The following CNTN4 variants were observed in gnomAD, a reference collection of about 807,000 sequenced individuals.
The protein encoded by CNTN4 is contactin-4.
In CNTN4, 77 loss-of-function variants were observed where a neutral mutation model predicts 122.5. That is an observed-to-expected ratio of 0.63 (90% confidence interval 0.52 to 0.76). The LOEUF (loss-of-function observed/expected upper bound fraction) is 0.76. Ranked by LOEUF, CNTN4 falls within the 30% of genes least tolerant of loss-of-function variation. CNTN4 has a pLI of 0.00. For synonymous variants in CNTN4, 512 were observed against 447.0 expected (o/e 1.15, Z -1.83); for missense variants, 1,256 against 1,259.1 (o/e 1.00, Z 0.04).
At chr3:3,044,535 C>T (rs751840431) in intron 23 of CNTN4, among the ~76,000 whole-genome samples, 1 of 152,168 alleles carries the variant, frequency 6.6e-6, no homozygotes, top group South Asian at 2.1e-4. Flanking sequence ...AGTATGGTGA[C>T]CTCAGAGTAG....
intron 4 of CNTN4, among the ~76,000 whole-genome samples, chr3:2,602,385 T>G (rs2149754930): frequency 6.6e-6 from 1 of 152,290 alleles, no homozygotes; most frequent in East Asian, 1.9e-4. Flanking sequence ...GATGAAGAAC[T>G]TCAGCAAAAT....
intron 3 of CNTN4, among the ~76,000 whole-genome samples, chr3:2,394,993 G>T (rs916868679): frequency 6.6e-6 from 1 of 151,880 alleles, no homozygotes; most frequent in Non-Finnish European, 1.5e-5. Flanking sequence ...TACCATGTTG[G>T]CCAGGCTGGT....
At chr3:2,187,979 A>G (rs575112821) in intron 2 of CNTN4, among the ~76,000 whole-genome samples, 1 of 152,180 alleles carries the variant, frequency 6.6e-6, no homozygotes. Flanking sequence ...AAGCAAATCA[A>G]GTGGGTTTTA....
chr3:2,950,432 G>T (rs2094727610), intron 13 of CNTN4, among the ~76,000 whole-genome samples: 1 of 152,190 alleles, frequency 6.6e-6, no homozygotes. Flanking sequence ...TCGGTAGCTT[G>T]TTATATAAGC....
chr3:2,851,583 G>C (rs529695760), intron 7 of CNTN4, among the ~76,000 whole-genome samples: 5 of 152,158 alleles, frequency 3.3e-5, no homozygotes, highest in African/African-American at 1.2e-4. Flanking sequence ...TCTCACCTTC[G>C]CTTGGCGTTT....
intron 4 of CNTN4, among the ~76,000 whole-genome samples, chr3:2,664,153 T>C (rs964121442): frequency 6.6e-6 from 1 of 152,204 alleles, no homozygotes; most frequent in Non-Finnish European, 1.5e-5. Context: ...TTTAAATAGG[T>C]AAATTGCATG....
chr3:2,124,466 ACACACAC>A (rs1382660167), intron 2 of CNTN4, among the ~76,000 whole-genome samples: 47 of 148,748 alleles, frequency 3.2e-4, no homozygotes, highest in Admixed American at 2.3e-3. Context: ...ACACACACAC[ACACACAC>A]CCCCTTAAGC....
At chr3:2,909,747 A>C (rs2094278938) in intron 12 of CNTN4, among the ~76,000 whole-genome samples, 1 of 152,246 alleles carries the variant, frequency 6.6e-6, no homozygotes, top group Non-Finnish European at 1.5e-5. Context: ...GCATCACAGT[A>C]ATCTAGAGGA....
At chr3:2,616,141 C>T (rs182612052) in intron 4 of CNTN4, among the ~76,000 whole-genome samples, 40 of 151,838 alleles carry the variant, frequency 2.6e-4, no homozygotes, top group African/African-American at 9.2e-4. Context: ...AGCTGCCCTC[C>T]CCTAACCCCC....
chr3:2,397,478 C>T (rs1488675653), intron 3 of CNTN4, among the ~76,000 whole-genome samples: 1 of 150,928 alleles, frequency 6.6e-6, no homozygotes, highest in African/African-American at 2.5e-5. Context: ...AGATTAGTCT[C>T]CTTTTAGGTG....
intron 3 of CNTN4, among the ~76,000 whole-genome samples, chr3:2,358,863 A>T (rs1438932241): frequency 6.6e-6 from 1 of 152,140 alleles, no homozygotes; most frequent in Admixed American, 6.6e-5. Flanking sequence ...ATACCAGAGG[A>T]TGTCATGAAT....
intron 3 of CNTN4, among the ~76,000 whole-genome samples, chr3:2,459,477 G>T (rs79425793): frequency 2.2e-3 from 337 of 152,046 alleles, no homozygotes; most frequent in African/African-American, 7.4e-3. Flanking sequence ...CATCTACAGC[G>T]CATCTCCAAA....
At position 2,703,115 on chromosome 3, in the gene CNTN4, A is replaced by G. The variant is rs141841100; in HGVS notation, c.56-33100A>G. On this transcript the variant is annotated intron_variant, in intron 4 of 24. Coordinates refer to ENST00000418658, the MANE Select transcript of CNTN4 (RefSeq NM_175607.3). The stretch of plus-strand genomic sequence containing the variant: ...TATTCTTATTATCCTAATTCTACAG[A>G]GGACGAAACGGAGGCACAGAGAAGG... Among the ~76,000 whole-genome samples, 1,047 of 152,312 alleles carry G rather than the reference A, an allele frequency of 6.9e-3. 5 individuals carry two copies. Among genetic ancestry groups the G allele is most frequent in the Non-Finnish European group, 0.011 (777 of 68,026 alleles).
intron 3 of CNTN4, among the ~76,000 whole-genome samples, chr3:2,499,588 A>G (rs1004596637): frequency 6.6e-5 from 10 of 152,052 alleles, no homozygotes; most frequent in African/African-American, 2.4e-4. Context: ...GTATTCATTG[A>G]TCTATGTGTC....
chr3:2,858,841 T>C (rs2093644134), intron 7 of CNTN4, among the ~76,000 whole-genome samples: 1 of 152,264 alleles, frequency 6.6e-6, no homozygotes, highest in Non-Finnish European at 1.5e-5. Context: ...TTAAAATTCG[T>C]ATACATTATG....
chr3:2,325,222 C>T (rs1472146019), intron 2 of CNTN4, among the ~76,000 whole-genome samples: 1 of 152,140 alleles, frequency 6.6e-6, no homozygotes, highest in Non-Finnish European at 1.5e-5. Flanking sequence ...ATCCATTTGT[C>T]TATGATTAAG....
chr3:2,301,254 A>G (rs548903616), intron 2 of CNTN4, among the ~76,000 whole-genome samples: 2 of 152,340 alleles, frequency 1.3e-5, no homozygotes, highest in Non-Finnish European at 2.9e-5. Context: ...GGGGAGGAAA[A>G]CAAAAATCCA....
intron 2 of CNTN4, among the ~76,000 whole-genome samples, chr3:2,177,711 G>T: frequency 6.7e-6 from 1 of 149,808 alleles, no homozygotes; most frequent in East Asian, 2.0e-4. Context: ...GGAAACTTCA[G>T]TTTTTACATT....
intron 6 of CNTN4, among the ~76,000 whole-genome samples, chr3:2,804,900 C>T (rs2092429237): frequency 6.6e-6 from 1 of 152,118 alleles, no homozygotes; most frequent in East Asian, 1.9e-4. Context: ...ATCGGCCAGG[C>T]GTGGTGGCTC....
Sources: allele counts gnomAD v4.1 joint callset (sites outside exome capture counted in the v4.1 genomes callset), GRCh38; gene constraint gnomAD v4.1.1; transcripts MANE v1.5; gene names NCBI Gene and HGNC (gene_info 2026-07-23, HGNC 2026-07-21).